Variants in RCC1 observed in about 807,000 individuals in gnomAD.
The protein encoded by RCC1 is regulator of chromosome condensation.
Under a neutral mutation model 44.4 loss-of-function variants are expected in RCC1, and 11 were observed. That is an observed-to-expected ratio of 0.25 (90% CI 0.16 to 0.41). RCC1 has a LOEUF of 0.41. RCC1 is among the 10% of genes least tolerant of loss of function. The pLI is 1.00. For synonymous variants in RCC1, 213 were observed against 216.5 expected, an observed-to-expected ratio of 0.98 and a Z score of 0.14; for missense variants, 386 against 547.1, an observed-to-expected ratio of 0.71 and a Z score of 2.94.
chr1:28,508,645 GTCCCTT>G, intron 2 of RCC1, 179 bp from the exon 3 acceptor site: 1 of 518,938 alleles, frequency 1.9e-6, no homozygotes, highest in Middle Eastern at 3.2e-4. Flanking sequence ...ATGATGTACA[GTCCCTT>G]TCCACAACGT....
intron 4 of RCC1, among the ~76,000 whole-genome samples, chr1:28,528,996 G>A (rs1663903862): frequency 6.7e-6 from 1 of 149,476 alleles, no homozygotes; most frequent in African/African-American, 2.5e-5. Flanking sequence ...CCAAGTAGCT[G>A]GGATTACAGT....
At chr1:28,537,011 C>T in intron 12 of RCC1, 112 bp downstream of exon 12, 1 of 1,216,488 alleles carries the variant, frequency 8.2e-7, no homozygotes, top group Non-Finnish European at 1.2e-6. Flanking sequence ...GTACAGAGAG[C>T]AGTGTTTGTG....
At chr1:28,509,081 A>G in intron 3 of RCC1, 176 bp downstream of exon 3, 1 of 357,510 alleles carries the variant, frequency 2.8e-6, no homozygotes, top group Non-Finnish European at 5.5e-6. Context: ...GGGATTACAA[A>G]CATAAGCCAC....
chr1:28,536,946 T>C lies in RCC1; in HGVS notation c.1090+47T>C, dbSNP rs368854553. On this transcript the variant is annotated intron_variant, in intron 12 of 12. Transcript: ENST00000683442. The surrounding 1 kb of genome is among the most constrained non-coding windows in gnomAD (Gnocchi z 4.9). ...CTGTCTAGTTGGGACCTGGGGGTCA[T>C]GGTTCTTACCCAATTCCCCAATAGG... The C allele has an allele frequency of 2.3e-4, 370 of 1,605,952 alleles. 1 individual carries two copies. Among genetic ancestry groups the C allele is most frequent in the Non-Finnish European group, 2.8e-4 (331 of 1,174,198 alleles).
chr1:28,520,713 G>C (rs1393492757), intron 4 of RCC1, among the ~76,000 whole-genome samples: 1 of 152,090 alleles, frequency 6.6e-6, no homozygotes, highest in Non-Finnish European at 1.5e-5. Context: ...TGTGTGGGGC[G>C]GGGTGGGGAA....
intron 7 of RCC1, among the ~76,000 whole-genome samples, chr1:28,533,476 A>G (rs1297985821): frequency 2.0e-5 from 3 of 149,926 alleles, no homozygotes; most frequent in Non-Finnish European, 4.4e-5. Flanking sequence ...ATCTCAAAAA[A>G]AAAAAAAGAA....
rs747986079 is a variant in RCC1 at position 28,529,902 on chromosome 1, C to T, written c.36C>T (p.Pro12=). 6.2e-7 allele frequency: 1 copy of T among 1,614,028 alleles called. No homozygotes were observed. The highest frequency in any genetic ancestry group is 8.5e-7 in the Non-Finnish European group (1 of 1,179,988). ...SPKRIAKRRS[P]PADAIPKSKK... is the part of the protein sequence containing the mutation. ...AGCGCATAGCTAAAAGAAGGTCCCC[C>T]CCAGCAGATGCCATCCCCAAAAGCA... The change falls in exon 5 of 13, where the codon CCC becomes CCT. Residue 12 remains proline, a synonymous_variant. Coordinates refer to ENST00000683442, the MANE Select transcript of RCC1 (RefSeq NM_001381865.2).
In RCC1 at chr1:28,536,311, C is replaced by T. The variant is rs780191619; in HGVS notation, c.867C>T (p.Phe289=). The change falls in exon 11 of 13, where the codon TTC becomes TTT. Residue 289 remains phenylalanine, a synonymous_variant. Coordinates refer to ENST00000683442, the MANE Select transcript of RCC1 (RefSeq NM_001381865.2). The surrounding 1 kb of genome is among the most constrained non-coding windows in gnomAD (Gnocchi z 4.9). The stretch of plus-strand genomic sequence containing the variant: ...TCATACCCCAGAACCTAACATCCTT[C>T]AAGAATTCCACCAAGTCCTGGGTGG... ...SCFIPQNLTS[F]KNSTKSWVGF... 6.2e-7 allele frequency: 1 copy of T among 1,614,136 alleles called. No individual in the cohort carries two copies. The highest frequency in any genetic ancestry group is 8.5e-7 in the Non-Finnish European group (1 of 1,179,982).
At chr1:28,534,306 G>A (rs904987433) in intron 7 of RCC1, among the ~76,000 whole-genome samples, 18 of 151,966 alleles carry the variant, frequency 1.2e-4, no homozygotes, top group Non-Finnish European at 2.2e-4. Flanking sequence ...TCTGTCTCCC[G>A]AGTAGCTGGG....
intron 9 of RCC1, 182 bp from the exon 10 acceptor site, chr1:28,535,689 T>G (rs1164091801): frequency 2.2e-5 from 17 of 782,524 alleles, no homozygotes; most frequent in Admixed American, 1.2e-4. Context: ...CCGTAATGAC[T>G]GTGGGAATCT....
At chr1:28,521,486 C>G (rs1478377662) in intron 4 of RCC1, among the ~76,000 whole-genome samples, 1 of 137,536 alleles carries the variant, frequency 7.3e-6, no homozygotes, top group East Asian at 2.1e-4. Context: ...GGCGACAGAG[C>G]GAGACTCCAC....
intron 4 of RCC1, among the ~76,000 whole-genome samples, chr1:28,520,261 TTCC>T (rs1289304702): frequency 2.0e-5 from 3 of 152,184 alleles, no homozygotes; most frequent in Non-Finnish European, 4.4e-5. Context: ...AGGCAAGTTC[TTCC>T]TCCTGGTGTG....
chr1:28,514,236 A>G (rs1662734062), intron 3 of RCC1, among the ~76,000 whole-genome samples: 1 of 151,628 alleles, frequency 6.6e-6, no homozygotes, highest in East Asian at 1.9e-4. Context: ...GGATCACGAG[A>G]TCAGGAGATC....
chr1:28,533,568 C>T (rs377073214), intron 7 of RCC1, among the ~76,000 whole-genome samples: 4 of 150,192 alleles, frequency 2.7e-5, no homozygotes, highest in East Asian at 2.0e-4. Flanking sequence ...GTCGGGAGTT[C>T]GAGACCGGCC....
chr1:28,514,486 G>A (rs1662765184), intron 3 of RCC1, among the ~76,000 whole-genome samples: 1 of 149,586 alleles, frequency 6.7e-6, no homozygotes, highest in East Asian at 1.9e-4. Context: ...TGGCGGCCTG[G>A]TGTGGTGGCT....
intron 4 of RCC1, among the ~76,000 whole-genome samples, chr1:28,524,999 G>T (rs544249310): frequency 5.9e-5 from 9 of 152,188 alleles, no homozygotes; most frequent in African/African-American, 2.2e-4. Flanking sequence ...TATTCAGCTG[G>T]GAGCTTTGGC....
chr1:28,533,251 C>T (rs1266216163), intron 7 of RCC1, among the ~76,000 whole-genome samples: 3 of 151,874 alleles, frequency 2.0e-5, no homozygotes, highest in Non-Finnish European at 2.9e-5. Context: ...ATGGGCAGAT[C>T]ACGACGTCAG....
rs1664640423 is a variant in RCC1, at chr1:28,537,769, C to T, written c.1091-63C>T. The T allele has an allele frequency of 8.6e-6, 13 of 1,512,868 alleles. No individual in the cohort carries two copies. The Middle Eastern group carries it at 1.2e-3, about 140-fold the overall frequency. The allele number at this position is 1,512,868 out of a possible 1,614,324, so 93.7% of individuals were successfully genotyped here. A position where few individuals can be genotyped will look rare whatever the true frequency, so the allele number is the denominator to read the frequency against. On this transcript the variant is annotated intron_variant, in intron 12 of 12. Coordinates refer to ENST00000683442, the MANE Select transcript of RCC1 (RefSeq NM_001381865.2). ...GTCCACGCCCATGTCCCAGGTTTCT[C>T]CTGCTACAGAAAGGTGGGCTGGGGA...
At chr1:28,506,188 TTTTA>T (rs879342640) in intron 1 of RCC1, 104 bp downstream of exon 1, 95 of 445,150 alleles carry the variant, frequency 2.1e-4, no homozygotes, top group Non-Finnish European at 3.6e-4. Flanking sequence ...TCATATAGTA[TTTTA>T]TTTATTTACT....
Sources: allele counts gnomAD v4.1 joint callset (sites outside exome capture counted in the v4.1 genomes callset), GRCh38; gene constraint gnomAD v4.1.1; non-coding constraint Gnocchi (gnomAD v3.1); transcripts MANE v1.5; gene names NCBI Gene and HGNC (gene_info 2026-07-23, HGNC 2026-07-21).